Variants in TPX2 observed in about 807,000 individuals in gnomAD.
The protein encoded by TPX2 is TPX2 microtubule nucleation factor, also known as targeting protein for Xklp2.
TPX2 carries 21 observed loss-of-function variants against 93.6 expected under a neutral mutation model. The ratio of observed to expected loss-of-function variants is 0.22; its 90% CI spans 0.16 to 0.32. The LOEUF is 0.32. Ranked by LOEUF, TPX2 falls within the 10% of genes least tolerant of loss-of-function variation. The probability of loss-of-function intolerance (pLI) is 1.00; values close to 1 mark genes in which losing one functional copy is unlikely to be tolerated. For synonymous variants in TPX2, 281 were observed against 298.3 expected (o/e 0.94, Z 0.60); for missense variants, 776 against 871.1 (o/e 0.89, Z 1.37).
chr20:31,742,378 A>G (rs1256444469), intron 1 of TPX2, among the ~76,000 whole-genome samples, 163 bp from the exon 2 acceptor site: 1 of 152,060 alleles, frequency 6.6e-6, no homozygotes, highest in Non-Finnish European at 1.5e-5. Context: ...GGGTTTCACC[A>G]TGTTGGCCAG....
chr20:31,766,493 GTGTC>G, intron 4 of TPX2, 59 bp from the exon 5 acceptor site: 1 of 1,447,046 alleles, frequency 6.9e-7, no homozygotes, highest in Non-Finnish European at 9.5e-7. Context: ...GTGTGTGTGT[GTGTC>G]TCATCTCCAA....
chr20:31,773,545 G>A lies in TPX2; in HGVS notation c.608+1863G>A, dbSNP rs149172029. 4.2e-4 allele frequency among the ~76,000 whole-genome samples: 64 copies of A among 152,252 alleles called. 1 individual carries two copies. In the East Asian group the frequency reaches 0.012, roughly 28 times the overall value. On this transcript the variant is annotated intron_variant, in intron 7 of 17. Transcript: ENST00000300403. Reference sequence around the variant, plus strand: ...GACCTCAAGTGATCTGCCCGCCTCAGCCTCTCAAAGTGCTGGGTATAGGTG... The same window carrying A: ...GACCTCAAGTGATCTGCCCGCCTCAACCTCTCAAAGTGCTGGGTATAGGTG...
intron 16 of TPX2, 71 bp from the exon 17 acceptor site, chr20:31,798,294 C>T (rs1412993701): frequency 1.3e-6 from 2 of 1,589,484 alleles, no homozygotes; most frequent in African/African-American, 1.3e-5. Flanking sequence ...GTGCCACTTG[C>T]TCATTCCAGG....
intron 1 of TPX2, among the ~76,000 whole-genome samples, chr20:31,741,316 TG>T (rs746739548): frequency 6.6e-6 from 1 of 151,212 alleles, no homozygotes; most frequent in Non-Finnish European, 1.5e-5. Context: ...TTTTTGTTTT[TG>T]TTTTTTTTTT....
chr20:31,797,464 G>C lies in TPX2; in HGVS notation c.1894G>C (p.Val632Leu). The C allele has an allele frequency of 6.2e-7, 1 of 1,614,048 alleles. No individual in the cohort carries two copies. Among genetic ancestry groups the C allele is most frequent in the Non-Finnish European group, 8.5e-7 (1 of 1,179,976 alleles). Residue 632 changes from valine to leucine, a missense_variant, in exon 16 of 18, where the codon GTC (valine) becomes CTC (leucine). Val to Leu is a conservative substitution (Grantham distance 32). Transcript: ENST00000300403. ...TTGTTTCAAGGCTCGTCCAAACACC[G>C]TCATCTCTCAGGAGCCCTTTGTTCC... ...AACFKARPNT[V>L]ISQEPFVPKK...
Position 31,793,760 on chromosome 20 carries a change from A to G in TPX2, c.1510-88A>G, listed in dbSNP as rs553894852. 13 of 1,241,724 alleles carry G rather than the reference A, an allele frequency of 1.0e-5. No individual in the cohort carries two copies. The East Asian group carries it at 2.4e-4, about 23-fold the overall frequency. 76.9% of individuals were successfully genotyped at this position (1,241,724 alleles called of 1,614,324 possible). ...TTAATTTTGTTTTAATTAATGCCAC[A>G]TATTAATATAATGTCTTCTGACTCC... On this transcript the variant is annotated intron_variant, in intron 13 of 17. Transcript: ENST00000300403.
intron 17 of TPX2, among the ~76,000 whole-genome samples, chr20:31,799,696 T>G (rs1234184237): frequency 6.6e-6 from 1 of 151,878 alleles, no homozygotes; most frequent in Non-Finnish European, 1.5e-5. Context: ...GGTCAGGAGT[T>G]GGAGACCAGC....
At chr20:31,742,017 T>A (rs986751494) in intron 1 of TPX2, among the ~76,000 whole-genome samples, 1 of 152,142 alleles carries the variant, frequency 6.6e-6, no homozygotes, top group Non-Finnish European at 1.5e-5. Context: ...AAAGGATAGA[T>A]AACTGCGGAG....
At chr20:31,750,990 C>G (rs931214047) in intron 2 of TPX2, among the ~76,000 whole-genome samples, 2 of 152,038 alleles carry the variant, frequency 1.3e-5, no homozygotes, top group Non-Finnish European at 2.9e-5. Flanking sequence ...TCACTGTGGC[C>G]TCAAACTCCT....
rs765459964 is a variant in TPX2, at chr20:31,783,941, T to C, written c.1413+20T>C. 4 of 1,612,864 alleles carry C rather than the reference T, an allele frequency of 2.5e-6. No homozygotes were observed. In the South Asian group the frequency reaches 4.4e-5, roughly 18 times the overall value. ...GTTGTGGTAAGGTTGAGGCTATGTG[T>C]GCTGGCAGAAGTGTACTGCTCATGA... On this transcript the variant is annotated intron_variant, in intron 12 of 17. Coordinates refer to ENST00000300403, the MANE Select transcript of TPX2 (RefSeq NM_012112.5).
intron 5 of TPX2, among the ~76,000 whole-genome samples, 197 bp from the exon 6 acceptor site, chr20:31,770,146 C>T (rs1337715373): frequency 4.6e-5 from 7 of 151,886 alleles, no homozygotes; most frequent in African/African-American, 7.3e-5. Flanking sequence ...TTATAGACAC[C>T]GGTGTATTTA....
intron 1 of TPX2, among the ~76,000 whole-genome samples, chr20:31,742,332 C>G (rs1233484910): frequency 6.6e-6 from 1 of 152,034 alleles, no homozygotes; most frequent in Non-Finnish European, 1.5e-5. Flanking sequence ...CGTGCACCAC[C>G]ATGCCTGGCT....
chr20:31,752,927 T>G (rs1377729631), intron 2 of TPX2, among the ~76,000 whole-genome samples: 1 of 152,146 alleles, frequency 6.6e-6, no homozygotes, highest in Non-Finnish European at 1.5e-5. Flanking sequence ...TAGATCTACT[T>G]TTTGTGTGAA....
rs2061791358 is a variant in TPX2, at chr20:31,747,492, T to G, written c.-71+4845T>G. 5.9e-5 allele frequency among the ~76,000 whole-genome samples: 9 copies of G among 152,260 alleles called. No homozygotes were observed. In the South Asian group the frequency reaches 1.9e-3, roughly 32 times the overall value. Reference sequence around the variant, plus strand: ...TATCTATCTATCTATCGTTTTAGTCTTCGCTTTTTGGAAACAAAAATGGGC... The same window carrying G: ...TATCTATCTATCTATCGTTTTAGTCGTCGCTTTTTGGAAACAAAAATGGGC... On this transcript the variant is annotated intron_variant, in intron 2 of 17. Coordinates refer to ENST00000300403, the MANE Select transcript of TPX2 (RefSeq NM_012112.5).
intron 1 of TPX2, among the ~76,000 whole-genome samples, chr20:31,741,121 G>C (rs1163670851): frequency 6.6e-6 from 1 of 152,114 alleles, no homozygotes; most frequent in African/African-American, 2.4e-5. Flanking sequence ...GTTACCAGGA[G>C]ATGTTCAGGG....
chr20:31,770,967 CTTG>C (rs2061961879), intron 6 of TPX2, among the ~76,000 whole-genome samples: 2 of 134,582 alleles, frequency 1.5e-5, no homozygotes, highest in South Asian at 4.7e-4. Flanking sequence ...TTTTCTTTTG[CTTG>C]TTGTCTCACT....
rs1039274158 is a variant in TPX2, at chr20:31,749,251, G to A, written c.-71+6604G>A. On this transcript the variant is annotated intron_variant, in intron 2 of 17. Transcript: ENST00000300403. Reference sequence around the variant, plus strand: ...GTGAGCCACCGCGCCCAGCTTAAATGTCTATTTTTAAATAAATAGGCAGTG... The same window carrying A: ...GTGAGCCACCGCGCCCAGCTTAAATATCTATTTTTAAATAAATAGGCAGTG... 2.0e-5 allele frequency among the ~76,000 whole-genome samples: 3 copies of A among 152,026 alleles called. No individual in the cohort carries two copies. In the South Asian group the frequency reaches 6.2e-4, roughly 32 times the overall value.
At chr20:31,751,838 G>A (rs1454158223) in intron 2 of TPX2, among the ~76,000 whole-genome samples, 7 of 152,164 alleles carry the variant, frequency 4.6e-5, no homozygotes, top group Admixed American at 1.3e-4. Flanking sequence ...CGCCTCCTGG[G>A]TTCAAGTGAT....
intron 10 of TPX2, 67 bp from the exon 11 acceptor site, chr20:31,782,182 G>T: frequency 6.5e-7 from 1 of 1,543,210 alleles, no homozygotes; most frequent in Non-Finnish European, 8.8e-7. Flanking sequence ...CTACATAGGT[G>T]AATCACCACT....
Sources: allele counts gnomAD v4.1 joint callset (sites outside exome capture counted in the v4.1 genomes callset), GRCh38; gene constraint gnomAD v4.1.1; transcripts MANE v1.5; gene names NCBI Gene and HGNC (gene_info 2026-07-23, HGNC 2026-07-21).